ARHGAP28: variants seen among roughly 807,000 people sequenced by gnomAD.
The protein encoded by ARHGAP28 is Rho GTPase activating protein 28.
A neutral mutation model predicts 90.7 loss-of-function variants in ARHGAP28; 56 were observed. The observed-to-expected ratio is 0.62, with a 90% CI of 0.50 to 0.77. The LOEUF (loss-of-function observed/expected upper bound fraction) is 0.77. Ranked by LOEUF, ARHGAP28 falls within the 30% of genes least tolerant of loss-of-function variation. The pLI is 0.00. For synonymous variants in ARHGAP28, 308 were observed against 323.3 expected (o/e 0.95, Z 0.51); for missense variants, 869 against 900.9 (o/e 0.96, Z 0.45).
intron 1 of ARHGAP28, among the ~76,000 whole-genome samples, chr18:6,755,130 G>A (rs2056099143): frequency 6.6e-6 from 1 of 152,092 alleles, no homozygotes; most frequent in African/African-American, 2.4e-5. Context: ...CCGAGATCGC[G>A]CCACTGCACT....
chr18:6,787,219 TAAAA>T (rs11350947), intron 1 of ARHGAP28, among the ~76,000 whole-genome samples: 12 of 94,602 alleles, frequency 1.3e-4, no homozygotes, highest in African/African-American at 4.4e-4. Context: ...AAACTCCATT[TAAAA>T]AAAAAAAAAA....
chr18:6,817,071 C>T (rs2056595917), intron 1 of ARHGAP28, among the ~76,000 whole-genome samples: 1 of 149,950 alleles, frequency 6.7e-6, no homozygotes, highest in East Asian at 2.0e-4. Flanking sequence ...GCCTGGGTGG[C>T]AGAGACCCTG....
intron 4 of ARHGAP28, among the ~76,000 whole-genome samples, chr18:6,857,052 A>G (rs927699034): frequency 6.6e-6 from 1 of 152,238 alleles, no homozygotes; most frequent in African/African-American, 2.4e-5. Context: ...TGCTGCCCAG[A>G]ACATTTATGA....
At chr18:6,802,600 G>A (rs548030027) in intron 1 of ARHGAP28, among the ~76,000 whole-genome samples, 2 of 151,948 alleles carry the variant, frequency 1.3e-5, no homozygotes, top group African/African-American at 4.8e-5. Context: ...GCCCACCTTG[G>A]CCTCCCAAAA....
intron 14 of ARHGAP28, among the ~76,000 whole-genome samples, chr18:6,891,129 T>A (rs952827166): frequency 6.6e-6 from 1 of 152,210 alleles, no homozygotes; most frequent in Non-Finnish European, 1.5e-5. Context: ...GATGTGGAGA[T>A]ACTTGAAATT....
At chr18:6,861,666 T>C (rs2056999796) in intron 5 of ARHGAP28, among the ~76,000 whole-genome samples, 1 of 152,210 alleles carries the variant, frequency 6.6e-6, no homozygotes, top group Non-Finnish European at 1.5e-5. Context: ...AAGGAGAGGA[T>C]GGTAGGCATG....
intron 3 of ARHGAP28, among the ~76,000 whole-genome samples, chr18:6,841,899 ATTTG>A (rs1202884814): frequency 2.6e-5 from 4 of 152,254 alleles, no homozygotes; most frequent in Admixed American, 6.5e-5. Context: ...TAAAACAAGT[ATTTG>A]TTTGTTCACT....
chr18:6,906,464 C>G (rs1000763799), intron 16 of ARHGAP28, among the ~76,000 whole-genome samples: 1 of 152,218 alleles, frequency 6.6e-6, no homozygotes, highest in Admixed American at 6.5e-5. Context: ...CTTCTCCTTT[C>G]TGTCTCTCTG....
At chr18:6,767,293 T>G (rs1353146729) in intron 1 of ARHGAP28, among the ~76,000 whole-genome samples, 3 of 152,186 alleles carry the variant, frequency 2.0e-5, no homozygotes, top group Non-Finnish European at 4.4e-5. Context: ...ATTTATTACA[T>G]GTCATAAACC....
intron 1 of ARHGAP28, among the ~76,000 whole-genome samples, chr18:6,806,967 T>C (rs1478116762): frequency 6.6e-6 from 1 of 152,214 alleles, no homozygotes; most frequent in African/African-American, 2.4e-5. Flanking sequence ...TCTGCTGGCG[T>C]CCTTTTCTTT....
At chr18:6,744,516 T>C (rs2056005733) in intron 1 of ARHGAP28, among the ~76,000 whole-genome samples, 1 of 152,240 alleles carries the variant, frequency 6.6e-6, no homozygotes, top group African/African-American at 2.4e-5. Flanking sequence ...AACACATTTT[T>C]AGACCTGTGC....
intron 4 of ARHGAP28, among the ~76,000 whole-genome samples, chr18:6,854,522 C>A (rs2056936829): frequency 6.6e-6 from 1 of 152,184 alleles, no homozygotes. Context: ...CCCATTCCCA[C>A]CTTTCAAGAG....
intron 6 of ARHGAP28, 104 bp downstream of exon 6, chr18:6,868,338 C>A: frequency 1.0e-6 from 1 of 957,738 alleles, no homozygotes; most frequent in Non-Finnish European, 1.6e-6. Context: ...TATAAGTGTG[C>A]TTTTCTCCCT....
intron 1 of ARHGAP28, among the ~76,000 whole-genome samples, chr18:6,758,139 G>A (rs896309769): frequency 8.5e-5 from 13 of 152,300 alleles, no homozygotes; most frequent in African/African-American, 2.9e-4. Flanking sequence ...TCACTGCATG[G>A]AGTTGTAGGT....
chr18:6,841,208 C>CCTCTCTCTCTCTCTCTCT (rs369622522), intron 3 of ARHGAP28, among the ~76,000 whole-genome samples: 3 of 43,136 alleles, frequency 7.0e-5, no homozygotes, highest in East Asian at 7.6e-4. Flanking sequence ...TCTCTCCTCT[C>CCTCTCTCTCTCTCTCTCT]CTCTCTCTCT....
At chr18:6,748,767 A>G (rs574667491) in intron 1 of ARHGAP28, among the ~76,000 whole-genome samples, 3 of 152,338 alleles carry the variant, frequency 2.0e-5, no homozygotes, top group South Asian at 4.1e-4. Flanking sequence ...ACTGGAAATT[A>G]TACAAATTGT....
At chr18:6,841,193 CTCTCTCTCT>C (rs2056818551) in intron 3 of ARHGAP28, among the ~76,000 whole-genome samples, 1 of 61,300 alleles carries the variant, frequency 1.6e-5, no homozygotes, top group African/African-American at 8.3e-5. Flanking sequence ...CTCTCTCTCT[CTCTCTCTCT>C]CCTCTCCTCT....
chr18:6,735,008 G>T (rs964789245), intron 1 of ARHGAP28, among the ~76,000 whole-genome samples: 5 of 152,174 alleles, frequency 3.3e-5, no homozygotes, highest in Admixed American at 3.3e-4. Context: ...TAAATATTTG[G>T]CCAGTTGCTC....
At chr18:6,755,025 C>G (rs1357775794) in intron 1 of ARHGAP28, among the ~76,000 whole-genome samples, 2 of 151,916 alleles carry the variant, frequency 1.3e-5, no homozygotes, top group East Asian at 3.9e-4. Context: ...GTACACCTAG[C>G]TACTGTAATC....
Sources: gnomAD v4.1 joint callset for allele counts (sites outside exome capture counted in the v4.1 genomes callset) on GRCh38, gnomAD v4.1.1 for gene constraint, MANE v1.5 for transcripts, NCBI Gene and HGNC (gene_info 2026-07-23, HGNC 2026-07-21) for gene names.